The following PGPEP1 variants were observed in gnomAD, a reference collection of about 807,000 sequenced individuals.
PGPEP1 encodes the protein pyroglutamyl-peptidase 1.
Under a neutral mutation model 24.1 loss-of-function variants are expected in PGPEP1, and 15 were observed. The ratio of observed to expected loss-of-function variants is 0.62; its 90% CI spans 0.42 to 0.96. PGPEP1 has a LOEUF of 0.96. Among genes scored for constraint, PGPEP1 ranks in the 40% least tolerant of loss-of-function variants. The probability of loss-of-function intolerance (pLI) is 0.00; values close to 1 mark genes in which losing one functional copy is unlikely to be tolerated. For synonymous variants in PGPEP1, 122 were observed against 116.4 expected (o/e 1.05, Z -0.31); for missense variants, 242 against 273.4 (o/e 0.89, Z 0.81).
intron 4 of PGPEP1, chr19:18,358,109 T>TCTCTCCTGCA (rs1971239015): frequency 5.3e-6 from 1 of 189,538 alleles, no homozygotes; most frequent in African/African-American, 2.4e-5. Flanking sequence ...AGCTGGTGGC[T>TCTCTCCTGCA]GCTGGCCATC....
At chr19:18,358,216 A>C (rs1228615178) in intron 4 of PGPEP1, 1 of 152,506 alleles carries the variant, frequency 6.6e-6, no homozygotes, top group Non-Finnish European at 1.4e-5. Context: ...TTAGGACACC[A>C]GTCATTATAT....
At chr19:18,355,155 G>C (rs971025947) in intron 2 of PGPEP1, among the ~76,000 whole-genome samples, 4 of 151,754 alleles carry the variant, frequency 2.6e-5, no homozygotes, top group African/African-American at 9.7e-5. Context: ...ATTTTTAGTA[G>C]AGATGGGGTT....
chr19:18,363,088 ACT>A (rs1284319127), intron 4 of PGPEP1, among the ~76,000 whole-genome samples: 8 of 141,956 alleles, frequency 5.6e-5, no homozygotes, highest in African/African-American at 1.6e-4. Flanking sequence ...ACAGGATCTC[ACT>A]CTCTCACCCA....
At chr19:18,342,156 G>A (rs1299777543) in intron 1 of PGPEP1, among the ~76,000 whole-genome samples, 1 of 152,042 alleles carries the variant, frequency 6.6e-6, no homozygotes, top group Non-Finnish European at 1.5e-5. Context: ...TGATCCGCCC[G>A]CCTTGGCCTC....
rs373695173 is a variant in PGPEP1 at position 18,357,610 on chromosome 19, C to T, written c.432C>T (p.Ala144=). The T allele has an allele frequency of 3.7e-5, 60 of 1,601,286 alleles. No individual in the cohort carries two copies. Among genetic ancestry groups the T allele is most frequent in the Admixed American group, 6.9e-5 (4 of 58,380 alleles). ...TGTCGGTGACCATCTCGCAGGATGCCGGCAGGTAGGGCCCTGTGGGGTGGG... is the reference window on the plus strand; with the variant it reads ...TGTCGGTGACCATCTCGCAGGATGCTGGCAGGTAGGGCCCTGTGGGGTGGG... ...LDVSVTISQD[A]GRYLCDFTYY... The change falls in exon 4 of 5, where the codon GCC becomes GCT. Residue 144 remains alanine (A), a synonymous_variant. Transcript: ENST00000269919.
intron 3 of PGPEP1, among the ~76,000 whole-genome samples, chr19:18,356,444 A>C (rs1971188410): frequency 7.2e-6 from 1 of 138,806 alleles, no homozygotes; most frequent in East Asian, 2.2e-4. Flanking sequence ...AAAAAAACAA[A>C]AAAACCCAAA....
intron 1 of PGPEP1, 123 bp downstream of exon 1, chr19:18,340,838 C>A: frequency 1.5e-6 from 1 of 683,726 alleles, no homozygotes; most frequent in Non-Finnish European, 2.1e-6. Context: ...GGTGTCATCA[C>A]CCGCGGGAGC....
chr19:18,350,825 C>T (rs769791368), intron 2 of PGPEP1, among the ~76,000 whole-genome samples: 7 of 151,888 alleles, frequency 4.6e-5, no homozygotes, highest in South Asian at 2.1e-4. Context: ...TTTGGGAGGC[C>T]GAGGTAGGAA....
chr19:18,357,760 T>C (rs1971230610), intron 4 of PGPEP1, 145 bp downstream of exon 4: 1 of 641,514 alleles, frequency 1.6e-6, no homozygotes. Flanking sequence ...TATTTGTACG[T>C]AGCAGGTGCC....
chr19:18,351,221 C>T (rs1187839257), intron 2 of PGPEP1, among the ~76,000 whole-genome samples: 1 of 151,650 alleles, frequency 6.6e-6, no homozygotes, highest in African/African-American at 2.4e-5. Context: ...GCTCAGATCG[C>T]GCCACTGCAC....
At chr19:18,351,308 TG>T (rs1971016528) in intron 2 of PGPEP1, among the ~76,000 whole-genome samples, 1 of 151,028 alleles carries the variant, frequency 6.6e-6, no homozygotes, top group Non-Finnish European at 1.5e-5. Context: ...TGTTGGACTT[TG>T]TCTCAATGCA....
rs970029642 is a variant in PGPEP1 at position 18,364,277 on chromosome 19, G to A, written c.*694G>A. 1.3e-5 allele frequency: 2 copies of A among 151,594 alleles called. No individual in the cohort carries two copies. The highest frequency in any genetic ancestry group is 2.9e-5 in the Non-Finnish European group (2 of 67,958). 9.4% of individuals were successfully genotyped at this position (151,594 alleles called of 1,614,324 possible). A position where few individuals can be genotyped will look rare whatever the true frequency, so the allele number is the denominator to read the frequency against. On this transcript the variant is annotated 3_prime_UTR_variant, in exon 5 of 5. Transcript: ENST00000269919. ...CCCCCCACCCCCACTCGCCCACCAG[G>A]GTGATGCCACTTTTGCCTCCTGCCC...
chr19:18,355,494 C>T, intron 2 of PGPEP1, among the ~76,000 whole-genome samples: 1 of 151,662 alleles, frequency 6.6e-6, no homozygotes, highest in East Asian at 1.9e-4. Flanking sequence ...CTCCTGACCT[C>T]AGGTGATCCG....
intron 2 of PGPEP1, among the ~76,000 whole-genome samples, chr19:18,346,522 CT>C (rs1453133816): frequency 6.6e-6 from 1 of 151,860 alleles, no homozygotes; most frequent in African/African-American, 2.4e-5. Context: ...CTCTCTCTGT[CT>C]CTTTCCTTTC....
chr19:18,343,088 C>T (rs1970720762), intron 2 of PGPEP1, among the ~76,000 whole-genome samples, 177 bp downstream of exon 2: 2 of 152,024 alleles, frequency 1.3e-5, no homozygotes, highest in Non-Finnish European at 2.9e-5. Context: ...CAACCTTCGC[C>T]TCCTGGGTTT....
At chr19:18,362,525 A>C (rs1971372398) in intron 4 of PGPEP1, among the ~76,000 whole-genome samples, 1 of 152,132 alleles carries the variant, frequency 6.6e-6, no homozygotes, top group Non-Finnish European at 1.5e-5. Flanking sequence ...CAGGAGTTTC[A>C]GAACAGCCTG....
chr19:18,363,033 T>TTTTG (rs375117395), intron 4 of PGPEP1, among the ~76,000 whole-genome samples: 16 of 136,684 alleles, frequency 1.2e-4, no homozygotes, highest in African/African-American at 4.4e-4. Flanking sequence ...TTTTTTTTGT[T>TTTTG]TGTGTGTGTG....
chr19:18,362,220 A>C (rs1326373696), intron 4 of PGPEP1, among the ~76,000 whole-genome samples: 1 of 151,734 alleles, frequency 6.6e-6, no homozygotes, highest in East Asian at 1.9e-4. Flanking sequence ...CTGCCTAGCC[A>C]ACATGGTGAA....
intron 4 of PGPEP1, among the ~76,000 whole-genome samples, chr19:18,361,122 G>A (rs982564768): frequency 8.6e-5 from 13 of 150,492 alleles, no homozygotes; most frequent in African/African-American, 3.2e-4. Flanking sequence ...GTGAGCCTCC[G>A]CACCCAGCTC....
Sources: allele counts gnomAD v4.1 joint callset (sites outside exome capture counted in the v4.1 genomes callset), GRCh38; gene constraint gnomAD v4.1.1; transcripts MANE v1.5; gene names NCBI Gene and HGNC (gene_info 2026-07-23, HGNC 2026-07-21).